The following NDST4 variants were observed in gnomAD, a reference collection of about 807,000 sequenced individuals.
NDST4 encodes the protein N-heparan sulfate sulfotransferase 4.
A neutral mutation model predicts 100.8 loss-of-function variants in NDST4; 63 were observed. The observed-to-expected ratio is 0.62, with a 90% CI of 0.51 to 0.77. The LOEUF (loss-of-function observed/expected upper bound fraction) is 0.77. Ranked by LOEUF, NDST4 falls within the 30% of genes least tolerant of loss-of-function variation. NDST4 has a pLI of 0.00. For missense variants in NDST4, 943 were observed against 1,018.4 expected (o/e 0.93, Z 1.01); for synonymous variants, 377 against 361.8 (o/e 1.04, Z -0.48).
At chr4:115,079,240 T>G (rs1729252969) in intron 1 of NDST4, among the ~76,000 whole-genome samples, 1 of 151,448 alleles carries the variant, frequency 6.6e-6, no homozygotes, top group Non-Finnish European at 1.5e-5. Context: ...TAGTCCCAGC[T>G]ACTCAAGAGG....
intron 6 of NDST4, among the ~76,000 whole-genome samples, chr4:114,900,619 C>T (rs1185473616): frequency 6.6e-6 from 1 of 152,096 alleles, no homozygotes; most frequent in Non-Finnish European, 1.5e-5. Context: ...AGGTTTGTAG[C>T]ATAGGAGCAA....
intron 10 of NDST4, among the ~76,000 whole-genome samples, 200 bp downstream of exon 10, chr4:114,845,623 T>G (rs1328657309): frequency 6.6e-6 from 1 of 152,202 alleles, no homozygotes; most frequent in Non-Finnish European, 1.5e-5. Context: ...AAATAATTAT[T>G]TTATGCCTGA....
chr4:114,937,463 G>T lies in NDST4; in HGVS notation c.1262C>A (p.Pro421Gln). 1 of 1,606,066 alleles carries T rather than the reference G, an allele frequency of 6.2e-7. No homozygotes were observed. The highest frequency in any genetic ancestry group is 8.5e-7 in the Non-Finnish European group (1 of 1,176,014). ...IPINMGYAVA[P>Q]HHSGVYPVHI... Reference sequence around the variant, plus strand: ...AACCGGGTAGACCCCTGAGTGATGTGGGGCCACAGCATAGCCCATGTTGAT... The same window carrying T: ...AACCGGGTAGACCCCTGAGTGATGTTGGGCCACAGCATAGCCCATGTTGAT... The change falls in exon 5 of 14, where the codon CCA becomes CAA. Residue 421 changes from proline (P) to glutamine (Q), a missense_variant. Physicochemically the swap from Pro to Gln is moderately conservative, Grantham distance 76. This residue lies in a region of NDST4 where 526 missense variants were observed against 634.1 expected (regional missense o/e 0.83). Transcript: ENST00000264363.
At chr4:114,941,284 G>C (rs964007811) in intron 4 of NDST4, among the ~76,000 whole-genome samples, 3 of 152,090 alleles carry the variant, frequency 2.0e-5, no homozygotes, top group Non-Finnish European at 2.9e-5. Flanking sequence ...AAGTTGTCTA[G>C]ATTCATCATC....
At chr4:114,843,765 T>G (rs1258131196) in intron 10 of NDST4, among the ~76,000 whole-genome samples, 1 of 152,158 alleles carries the variant, frequency 6.6e-6, no homozygotes, top group Non-Finnish European at 1.5e-5. Flanking sequence ...TATTTTCTTG[T>G]CTTTCTTGGC....
intron 6 of NDST4, among the ~76,000 whole-genome samples, chr4:114,878,425 G>A (rs1365304853): frequency 6.6e-6 from 1 of 152,062 alleles, no homozygotes; most frequent in East Asian, 1.9e-4. Context: ...GAAAATAATA[G>A]TAATTAAAGA....
At chr4:115,030,899 A>G (rs1341884734) in intron 2 of NDST4, among the ~76,000 whole-genome samples, 1 of 152,224 alleles carries the variant, frequency 6.6e-6, no homozygotes, top group Non-Finnish European at 1.5e-5. Flanking sequence ...AATTCAGAAA[A>G]GAGTTACAAG....
intron 2 of NDST4, among the ~76,000 whole-genome samples, chr4:115,004,254 G>GT (rs941052369): frequency 6.6e-6 from 1 of 152,090 alleles, no homozygotes; most frequent in Non-Finnish European, 1.5e-5. Flanking sequence ...TTAATTAGAA[G>GT]TTTTTTTAGC....
chr4:114,908,980 G>A lies in NDST4; in HGVS notation c.1536+26226C>T, dbSNP rs577209960. On this transcript the variant is annotated intron_variant, in intron 6 of 13. Transcript: ENST00000264363. The stretch of plus-strand genomic sequence containing the variant: ...TTATAAAGACATACAGAAATTTTAC[G>A]AAAAATATGTTTCAAGTAAAACACA... Among the ~76,000 whole-genome samples the A allele has an allele frequency of 4.7e-4, 72 of 152,020 alleles. 1 individual carries two copies. The highest frequency in any genetic ancestry group is 1.6e-3 in the African/African-American group (67 of 41,516).
At chr4:114,970,293 C>A (rs541834159) in intron 4 of NDST4, 137 bp downstream of exon 4, 14 of 676,688 alleles carry the variant, frequency 2.1e-5, no homozygotes, top group Middle Eastern at 4.3e-4. Flanking sequence ...GTTATATGTA[C>A]CCTCAATACA....
At chr4:115,098,831 C>CT (rs1729672992) in intron 1 of NDST4, among the ~76,000 whole-genome samples, 1 of 152,166 alleles carries the variant, frequency 6.6e-6, no homozygotes, top group African/African-American at 2.4e-5. Flanking sequence ...TTCTGCATAG[C>CT]TAGGACCACA....
chr4:114,895,013 T>C (rs2126207614), intron 6 of NDST4, among the ~76,000 whole-genome samples: 1 of 152,154 alleles, frequency 6.6e-6, no homozygotes, highest in East Asian at 1.9e-4. Context: ...TTTATAGCAC[T>C]AAATGCCCAC....
At chr4:114,914,891 G>C (rs1045664411) in intron 6 of NDST4, among the ~76,000 whole-genome samples, 7 of 152,080 alleles carry the variant, frequency 4.6e-5, no homozygotes, top group South Asian at 2.1e-4. Flanking sequence ...GCCAGGCAGG[G>C]AATAGGTAAC....
chr4:114,986,832 A>ATATATATATAT, intron 2 of NDST4, among the ~76,000 whole-genome samples: 1 of 94,664 alleles, frequency 1.1e-5, no homozygotes, highest in Non-Finnish European at 2.2e-5. Flanking sequence ...ATATATATAT[A>ATATATATATAT]TTTTAATATA....
chr4:114,852,830 A>C lies in NDST4; in HGVS notation c.1720-9T>G. 6.3e-7 allele frequency: 1 copy of C among 1,576,064 alleles called. No homozygotes were observed. The highest frequency in any genetic ancestry group is 1.4e-5 in the African/African-American group (1 of 74,022). On this transcript the variant is annotated splice_polypyrimidine_tract_variant and intron_variant, in intron 7 of 13. Transcript: ENST00000264363. ...TTATCATCACATGGATTCTGCAAGAAGGAAGAATAAGTAACCTCACAGTGT... is the reference window on the plus strand; with the variant it reads ...TTATCATCACATGGATTCTGCAAGACGGAAGAATAAGTAACCTCACAGTGT...
At chr4:114,991,196 A>G (rs1727031347) in intron 2 of NDST4, among the ~76,000 whole-genome samples, 2 of 152,082 alleles carry the variant, frequency 1.3e-5, no homozygotes, top group South Asian at 4.1e-4. Flanking sequence ...TCTCGAGACC[A>G]TGGTGCACTT....
intron 9 of NDST4, among the ~76,000 whole-genome samples, chr4:114,847,363 G>A (rs1438514341): frequency 1.0e-5 from 1 of 100,308 alleles, no homozygotes; most frequent in Non-Finnish European, 1.8e-5. Context: ...GCGACAGAGC[G>A]AGACTCCGTC....
At chr4:114,830,458 T>C (rs1420113872) in intron 12 of NDST4, among the ~76,000 whole-genome samples, 2 of 152,232 alleles carry the variant, frequency 1.3e-5, no homozygotes, top group Non-Finnish European at 2.9e-5. Flanking sequence ...AAGTGGAAGA[T>C]TAGACAACCT....
intron 1 of NDST4, among the ~76,000 whole-genome samples, chr4:115,111,465 A>C (rs1436009189): frequency 6.6e-6 from 1 of 151,634 alleles, no homozygotes; most frequent in Non-Finnish European, 1.5e-5. Context: ...AATAGTCCCC[A>C]TATACTTCCT....
Sources: gnomAD v4.1 joint callset for allele counts (sites outside exome capture counted in the v4.1 genomes callset) on GRCh38, gnomAD v4.1.1 for gene constraint, gnomAD v4.1.1 regional missense constraint, MANE v1.5 for transcripts, NCBI Gene and HGNC (gene_info 2026-07-23, HGNC 2026-07-21) for gene names.